Variants in PPFIA4 observed in about 807,000 individuals in gnomAD.
PPFIA4 encodes liprin-alpha-4.
Under a neutral mutation model 145.7 loss-of-function variants are expected in PPFIA4, and 98 were observed. The ratio of observed to expected loss-of-function variants is 0.67; its 90% CI spans 0.57 to 0.80. The LOEUF (loss-of-function observed/expected upper bound fraction) is 0.80, where lower values mean the gene tolerates loss of function less well. Ranked by LOEUF, PPFIA4 falls within the 30% of genes least tolerant of loss-of-function variation. The pLI is 0.00. For missense variants in PPFIA4, 1,457 were observed against 1,632.7 expected (o/e 0.89, Z 1.85); for synonymous variants, 628 against 649.6 (o/e 0.97, Z 0.51).
Position 203,044,112 on chromosome 1 carries a change from C to A in PPFIA4, c.501+17C>A. ...GATGAGAAGGTGCCCACCTGCCCGC[C>A]AGCCCCCACATCCAGCCAGGCTGCC... On this transcript the variant is annotated intron_variant, in intron 4 of 29. Transcript: ENST00000295706. The A allele has an allele frequency of 6.4e-7, 1 of 1,558,450 alleles. No homozygotes were observed. The highest frequency in any genetic ancestry group is 1.4e-5 in the African/African-American group (1 of 73,698).
chr1:203,061,132 T>G, intron 23 of PPFIA4, 100 bp downstream of exon 23: 1 of 1,122,748 alleles, frequency 8.9e-7, no homozygotes, highest in East Asian at 2.3e-5. Flanking sequence ...TGGGCTGCCA[T>G]CGATCTCACG....
Position 203,043,910 on chromosome 1 carries a change from C to A in PPFIA4, c.337-21C>A. 1 of 1,578,030 alleles carries A rather than the reference C, an allele frequency of 6.3e-7. No homozygotes were observed. Among genetic ancestry groups the A allele is most frequent in the Non-Finnish European group, 8.6e-7 (1 of 1,160,422 alleles). On this transcript the variant is annotated intron_variant, in intron 3 of 29. Transcript: ENST00000295706. The surrounding 1 kb of genome is among the most constrained non-coding windows in gnomAD (Gnocchi z 4.4). Reference sequence around the variant, plus strand: ...CATGCTTACAGCCCTCCCTCTCACCCTCCCCTGCTCTCCCTGCCAGCTGCT... The same window carrying A: ...CATGCTTACAGCCCTCCCTCTCACCATCCCCTGCTCTCCCTGCCAGCTGCT...
chr1:203,060,551 C>A lies in PPFIA4; in HGVS notation c.2784+134C>A. ...CTTCCCATCCTCACAAAGGGCTCTC[C>A]CTGGTCTTCAGGAGGATATGATGTT... is the stretch of plus-strand genomic sequence containing the variant. On this transcript the variant is annotated intron_variant, in intron 22 of 29. Transcript: ENST00000295706. This position sits in a 1 kb window ranked among gnomAD's most constrained non-coding sequence, Gnocchi z 4.8. 1.1e-6 allele frequency: 1 copy of A among 935,228 alleles called. No individual in the cohort carries two copies. Among genetic ancestry groups the A allele is most frequent in the South Asian group, 1.6e-5 (1 of 63,600 alleles). 57.9% of individuals were successfully genotyped at this position (935,228 alleles called of 1,614,324 possible).
intron 1 of PPFIA4, chr1:203,035,326 G>A (rs1174453775): frequency 4.4e-6 from 2 of 456,542 alleles, no homozygotes; most frequent in East Asian, 6.9e-5. Flanking sequence ...CCATCTGGTA[G>A]GCAGGAGGGA....
chr1:203,076,191 C>A, intron 29 of PPFIA4, 150 bp from the exon 30 acceptor site: 1 of 858,262 alleles, frequency 1.2e-6, no homozygotes, highest in Non-Finnish European at 1.9e-6. Context: ...CCAGCACTGC[C>A]TGGCTTGCCC....
At chr1:203,062,116 GC>G (rs961673125) in intron 24 of PPFIA4, among the ~76,000 whole-genome samples, 4 of 152,002 alleles carry the variant, frequency 2.6e-5, no homozygotes, top group African/African-American at 9.7e-5. Context: ...AAGAAAGCAA[GC>G]CCTCATGGAG....
chr1:203,054,290 G>A (rs1368390440), intron 15 of PPFIA4, among the ~76,000 whole-genome samples: 1 of 152,202 alleles, frequency 6.6e-6, no homozygotes, highest in Admixed American at 6.5e-5. Flanking sequence ...CAGGGTGAGA[G>A]CTTTGTAAAT....
At chr1:203,051,985 T>C (rs1660551973) in intron 14 of PPFIA4, 108 bp downstream of exon 14, 15 of 1,120,382 alleles carry the variant, frequency 1.3e-5, no homozygotes, top group South Asian at 1.2e-4. Flanking sequence ...TCCCCTTCCC[T>C]CCCGTGTCAA....
In PPFIA4 at chr1:203,061,644, C is replaced by T. The variant is rs1048458691; in HGVS notation, c.2848-8C>T. ...TTTCCCCTAACACGCTGCACTCGTT[C>T]CTGCTAGGACAGTGAGGAGGGCAGC... On this transcript the variant is annotated splice_polypyrimidine_tract_variant and splice_region_variant and intron_variant, in intron 23 of 29. Transcript: ENST00000295706. 3.2e-6 allele frequency: 5 copies of T among 1,563,400 alleles called. No homozygotes were observed. The African/African-American group carries it at 5.4e-5, about 17-fold the overall frequency.
chr1:203,070,755 CTAATTT>C (rs111540306), intron 27 of PPFIA4, among the ~76,000 whole-genome samples: 55,287 of 151,434 alleles, frequency 0.37, 10,412 homozygotes, highest in African/African-American at 0.45. Flanking sequence ...AGCAGGCTTC[CTAATTT>C]TAAGTTTTTG....
chr1:203,072,026 C>T (rs1292534887), intron 28 of PPFIA4, among the ~76,000 whole-genome samples: 1 of 152,166 alleles, frequency 6.6e-6, no homozygotes, highest in Non-Finnish European at 1.5e-5. Flanking sequence ...CCAGCATCTT[C>T]CAATTCTGTG....
chr1:203,036,646 T>G (rs1349231894), intron 1 of PPFIA4, among the ~76,000 whole-genome samples: 3 of 152,156 alleles, frequency 2.0e-5, no homozygotes, highest in Non-Finnish European at 4.4e-5. Context: ...GGCTGGAGCA[T>G]TCAGGGTGGA....
chr1:203,064,113 G>C (rs1417645606), intron 25 of PPFIA4, 110 bp downstream of exon 25: 1 of 1,203,504 alleles, frequency 8.3e-7, no homozygotes, highest in East Asian at 2.5e-5. Flanking sequence ...GGTCTGTTCT[G>C]AGTGGCAACA....
At chr1:203,059,881 G>A (rs1228165406) in intron 21 of PPFIA4, 30 bp downstream of exon 21, 3 of 1,564,898 alleles carry the variant, frequency 1.9e-6, no homozygotes, top group African/African-American at 2.7e-5. Flanking sequence ...GTCCACTCAG[G>A]GGTCTGGAGG....
At chr1:203,059,472 G>C (rs1437940110) in intron 20 of PPFIA4, among the ~76,000 whole-genome samples, 1 of 152,226 alleles carries the variant, frequency 6.6e-6, no homozygotes, top group Non-Finnish European at 1.5e-5. Flanking sequence ...AGGCAAGGGG[G>C]TTATGGGACA....
Position 203,045,571 on chromosome 1 carries a change from C to T in PPFIA4, c.858+12C>T, listed in dbSNP as rs138843131. The T allele has an allele frequency of 1.3e-5, 20 of 1,563,392 alleles. No homozygotes were observed. The highest frequency in any genetic ancestry group is 3.6e-4 in the Middle Eastern group (2 of 5,614). ...GGGACCTCCGGGAGGTGCGTGAGGG[C>T]GCAGGCCTGCTCTGTGACCTCATTG... On this transcript the variant is annotated intron_variant, in intron 7 of 29. Transcript: ENST00000295706.
At position 203,043,304 on chromosome 1, in the gene PPFIA4, G is replaced by C. The variant is rs907555960; in HGVS notation, c.235-93G>C. ...TGTGGGGGAGGTGGTGGAAGTAAGG[G>C]ATGGGTGAGAGGATCCCACCACTGA... On this transcript the variant is annotated intron_variant, in intron 2 of 29. Coordinates refer to ENST00000295706, the MANE Select transcript of PPFIA4 (RefSeq NM_001304331.2). The surrounding 1 kb of genome is among the most constrained non-coding windows in gnomAD (Gnocchi z 4.4). The C allele has an allele frequency of 9.2e-7, 1 of 1,082,174 alleles. No individual in the cohort carries two copies. Among genetic ancestry groups the C allele is most frequent in the African/African-American group, 1.6e-5 (1 of 63,816 alleles). 67.0% of individuals were successfully genotyped at this position (1,082,174 alleles called of 1,614,324 possible).
chr1:203,076,281 TCTCG>T, intron 29 of PPFIA4, 56 bp from the exon 30 acceptor site: 1 of 1,542,116 alleles, frequency 6.5e-7, no homozygotes, highest in Non-Finnish European at 8.9e-7. Context: ...CTACAACCTC[TCTCG>T]CAGATGCCCT....
At position 203,068,602 on chromosome 1, in the gene PPFIA4, CT is replaced by C; in HGVS notation, c.3299del (p.Leu1100ProfsTer13). On this transcript the variant is annotated frameshift_variant, in exon 27 of 30. Coordinates refer to ENST00000295706, the MANE Select transcript of PPFIA4 (RefSeq NM_001304331.2). LOFTEE classifies it high-confidence loss of function. This position sits in a 1 kb window ranked among gnomAD's most constrained non-coding sequence, Gnocchi z 4.7. Reference protein sequence around the residue: ...NFDHNTLALILQIPTQNTQAR... With the variant: ...NFDHNTLALIXQIPTQNTQAR... Reference sequence around the variant, plus strand: ...CGACCACAACACACTGGCCCTGATCCTCCAGATCCCCACACAGAACACCCAG... The same window carrying C: ...CGACCACAACACACTGGCCCTGATCCCCAGATCCCCACACAGAACACCCAG... 1 of 1,562,622 alleles carries C rather than the reference CT, an allele frequency of 6.4e-7. No individual in the cohort carries two copies. Among genetic ancestry groups the C allele is most frequent in the Non-Finnish European group, 8.6e-7 (1 of 1,157,026 alleles).
Sources: allele counts gnomAD v4.1 joint callset (sites outside exome capture counted in the v4.1 genomes callset), GRCh38; gene constraint gnomAD v4.1.1; non-coding constraint Gnocchi (gnomAD v3.1); transcripts MANE v1.5; gene names NCBI Gene and HGNC (gene_info 2026-07-23, HGNC 2026-07-21).